Variants in AFF3 observed in about 807,000 individuals in gnomAD.
AFF3 encodes ALF transcription elongation factor 3, also known as AF4/FMR2 family member 3.
AFF3 carries 32 observed loss-of-function variants against 129.7 expected under a neutral mutation model. That is an observed-to-expected ratio of 0.25 (90% CI 0.19 to 0.33). The LOEUF (loss-of-function observed/expected upper bound fraction) is 0.33, where lower values mean the gene tolerates loss of function less well. AFF3 is among the 10% of genes least tolerant of loss of function. The probability of loss-of-function intolerance (pLI) is 1.00; values close to 1 mark genes in which losing one functional copy is unlikely to be tolerated. For missense variants in AFF3, 1,373 were observed against 1,592.0 expected (o/e 0.86, Z 2.34); for synonymous variants, 644 against 635.4 (o/e 1.01, Z -0.20).
At chr2:100,128,942 C>G (rs2164712) in intron 2 of AFF3, among the ~76,000 whole-genome samples, 65,007 of 151,730 alleles carry the variant, frequency 0.43, 14,612 homozygotes, top group East Asian at 0.64. Context: ...CTGGAGTACA[C>G]AGGGAGGGAG....
At chr2:99,969,914 A>T (rs879672445) in intron 7 of AFF3, among the ~76,000 whole-genome samples, 9 of 152,236 alleles carry the variant, frequency 5.9e-5, no homozygotes, top group Non-Finnish European at 1.3e-4. Context: ...ATGAAATTTT[A>T]CACAGAATTA....
chr2:100,107,682 A>AGGTT (rs1691365532), intron 2 of AFF3, among the ~76,000 whole-genome samples: 2 of 152,160 alleles, frequency 1.3e-5, no homozygotes, highest in Non-Finnish European at 2.9e-5. Context: ...TTCCCGGGTC[A>AGGTT]GGTTGGTTGG....
intron 4 of AFF3, among the ~76,000 whole-genome samples, chr2:100,041,333 C>T (rs1361896430): frequency 2.6e-5 from 4 of 152,164 alleles, no homozygotes; most frequent in African/African-American, 9.7e-5. Context: ...CAGTGTAATG[C>T]TAAGCAAAAT....
chr2:99,672,178 TCACACACACACACACACACACACA>T (rs1177303721), intron 12 of AFF3, among the ~76,000 whole-genome samples: 1 of 56,368 alleles, frequency 1.8e-5, no homozygotes, highest in African/African-American at 1.2e-4. Context: ...AGTTAGCTTC[TCACACACACACACACACACACACA>T]CACACACACA....
At chr2:99,890,149 G>A (rs1046096731) in intron 7 of AFF3, among the ~76,000 whole-genome samples, 1 of 152,134 alleles carries the variant, frequency 6.6e-6, no homozygotes, top group Admixed American at 6.5e-5. Flanking sequence ...ACCAGCATAC[G>A]CCTGGAGTGG....
At chr2:99,711,976 T>C (rs1677938591) in intron 11 of AFF3, among the ~76,000 whole-genome samples, 1 of 152,174 alleles carries the variant, frequency 6.6e-6, no homozygotes, top group Non-Finnish European at 1.5e-5. Flanking sequence ...CTGAAGTTTC[T>C]TAACTCATGT....
chr2:100,131,318 A>G (rs932567611), intron 1 of AFF3, among the ~76,000 whole-genome samples: 1 of 152,212 alleles, frequency 6.6e-6, no homozygotes, highest in Non-Finnish European at 1.5e-5. Flanking sequence ...CTCAAGAATT[A>G]AAGAACTTCT....
chr2:99,869,197 C>G (rs1261227015), intron 7 of AFF3, among the ~76,000 whole-genome samples: 4 of 152,166 alleles, frequency 2.6e-5, no homozygotes, highest in East Asian at 1.9e-4. Flanking sequence ...CCAAAAAAAT[C>G]TGACACCAAG....
chr2:99,620,795 G>A (rs562717454), intron 13 of AFF3, among the ~76,000 whole-genome samples: 1 of 152,306 alleles, frequency 6.6e-6, no homozygotes, highest in East Asian at 1.9e-4. Flanking sequence ...CAGGTAATGA[G>A]TGAGTTCTCA....
At chr2:99,732,505 T>C (rs1458413479) in intron 10 of AFF3, among the ~76,000 whole-genome samples, 1 of 152,124 alleles carries the variant, frequency 6.6e-6, no homozygotes, top group Non-Finnish European at 1.5e-5. Context: ...TACCTAGGCA[T>C]TCTTCTGAGA....
At chr2:100,118,950 G>A (rs1170061487) in intron 2 of AFF3, among the ~76,000 whole-genome samples, 12 of 151,958 alleles carry the variant, frequency 7.9e-5, no homozygotes, top group African/African-American at 1.9e-4. Context: ...ACAGGCGTGC[G>A]CCACCACACC....
At chr2:99,878,949 C>G (rs1692492511) in intron 7 of AFF3, among the ~76,000 whole-genome samples, 1 of 152,060 alleles carries the variant, frequency 6.6e-6, no homozygotes, top group Non-Finnish European at 1.5e-5. Flanking sequence ...AAAAAAACAA[C>G]TAGATAACCC....
chr2:100,092,507 C>A (rs1020324434), intron 4 of AFF3, among the ~76,000 whole-genome samples: 2 of 152,148 alleles, frequency 1.3e-5, no homozygotes, highest in African/African-American at 4.8e-5. Context: ...TGCTTAAAGC[C>A]CTCATGCAGG....
At chr2:100,037,717 T>G (rs1685071573) in intron 4 of AFF3, among the ~76,000 whole-genome samples, 1 of 127,782 alleles carries the variant, frequency 7.8e-6, no homozygotes, top group South Asian at 2.2e-4. Context: ...TATTTATATA[T>G]TATATATATT....
chr2:99,632,752 G>A (rs1639229621), intron 13 of AFF3, among the ~76,000 whole-genome samples: 4 of 152,178 alleles, frequency 2.6e-5, no homozygotes, highest in African/African-American at 7.2e-5. Flanking sequence ...AGCTCAAGGA[G>A]GCTCCTGTGG....
At chr2:100,017,966 T>C (rs989612985) in intron 4 of AFF3, among the ~76,000 whole-genome samples, 1 of 152,182 alleles carries the variant, frequency 6.6e-6, no homozygotes, top group Non-Finnish European at 1.5e-5. Context: ...AGATCATGCC[T>C]GTTTCAGTTC....
At chr2:100,005,686 A>G (rs1681907091) in intron 7 of AFF3, among the ~76,000 whole-genome samples, 1 of 152,264 alleles carries the variant, frequency 6.6e-6, no homozygotes, top group Non-Finnish European at 1.5e-5. Flanking sequence ...AACATCTCAT[A>G]GATTAAAAAA....
intron 4 of AFF3, among the ~76,000 whole-genome samples, chr2:100,060,325 T>C (rs936562024): frequency 7.9e-5 from 12 of 152,192 alleles, no homozygotes; most frequent in African/African-American, 2.9e-4. Context: ...CAGGAAGAGA[T>C]ACTGAGGCAC....
intron 10 of AFF3, among the ~76,000 whole-genome samples, chr2:99,743,516 A>G (rs1680889123): frequency 6.6e-6 from 1 of 152,200 alleles, no homozygotes; most frequent in South Asian, 2.1e-4. Context: ...GTTAATACCA[A>G]TTAGTAGTGC....
Sources: gnomAD v4.1 joint callset for allele counts (sites outside exome capture counted in the v4.1 genomes callset) on GRCh38, gnomAD v4.1.1 for gene constraint, MANE v1.5 for transcripts, NCBI Gene and HGNC (gene_info 2026-07-23, HGNC 2026-07-21) for gene names.